The following CDK18 variants were observed in gnomAD, a reference collection of about 807,000 sequenced individuals.
CDK18 encodes the protein cyclin-dependent kinase 18.
In CDK18, 52 loss-of-function variants were observed where a neutral mutation model predicts 62.0. The observed-to-expected ratio is 0.84, with a 90% confidence interval of 0.67 to 1.06. CDK18 has a LOEUF of 1.06. Among genes scored for constraint, CDK18 ranks in the 50% least tolerant of loss-of-function variants. The probability of loss-of-function intolerance (pLI) is 0.00; values close to 1 mark genes in which losing one functional copy is unlikely to be tolerated. For missense variants in CDK18, 604 were observed against 619.9 expected, an observed-to-expected ratio of 0.97 and a Z score of 0.27; for synonymous variants, 237 against 247.0, an observed-to-expected ratio of 0.96 and a Z score of 0.38.
rs1486314673 is a variant in CDK18 at position 205,516,555 on chromosome 1, A to G, written c.-21-6592A>G. Among the ~76,000 whole-genome samples, 1 of 152,200 alleles carries G rather than the reference A, an allele frequency of 6.6e-6. No individual in the cohort carries two copies. The highest frequency in any genetic ancestry group is 2.4e-5 in the African/African-American group (1 of 41,454). ...GCCTGGAACACAGCAGGTGCTCCAC[A>G]TGTGCCTGTAAAGCAGACACATGCC... On this transcript the variant is annotated intron_variant, in intron 1 of 15. Transcript: ENST00000429964. This position sits in a 1 kb window ranked among gnomAD's most constrained non-coding sequence, Gnocchi z 4.8.
chr1:205,519,336 A>T lies in CDK18; in HGVS notation c.-21-3811A>T, dbSNP rs537655971. ...CCCAGTCTGCCCTGTCACACCCAAG[A>T]CCCTGCTGGGTTCAATGCCCTGGTT... On this transcript the variant is annotated intron_variant, in intron 1 of 15. Transcript: ENST00000429964. 1.1e-3 allele frequency among the ~76,000 whole-genome samples: 153 copies of T among 142,830 alleles called. 1 individual carries two copies. The highest frequency in any genetic ancestry group is 4.0e-3 in the African/African-American group (153 of 38,472). The allele number at this position is 142,830 out of a possible 152,430, so 93.7% of individuals were successfully genotyped here.
chr1:205,505,217 A>T (rs1439686043), intron 1 of CDK18, among the ~76,000 whole-genome samples: 1 of 150,106 alleles, frequency 6.7e-6, no homozygotes, highest in African/African-American at 2.4e-5. Flanking sequence ...CATTCTGGGA[A>T]GGGCAAGGGT....
chr1:205,505,015 G>T (rs1020628597), intron 1 of CDK18: 2 of 152,384 alleles, frequency 1.3e-5, no homozygotes, highest in African/African-American at 4.8e-5. Flanking sequence ...GTGTTGAGGG[G>T]TGGGGGGTGC....
chr1:205,513,468 A>G (rs1667665870), intron 1 of CDK18, among the ~76,000 whole-genome samples: 1 of 152,254 alleles, frequency 6.6e-6, no homozygotes. Context: ...TGGGCCCCCA[A>G]AAAAGGTCAA....
rs776051977 is a variant in CDK18 at position 205,531,385 on chromosome 1, C to T, written c.*7C>T. The T allele has an allele frequency of 3.1e-6, 5 of 1,613,464 alleles. No individual in the cohort carries two copies. Among genetic ancestry groups the T allele is most frequent in the Non-Finnish European group, 4.2e-6 (5 of 1,179,346 alleles). On this transcript the variant is annotated 3_prime_UTR_variant, in exon 16 of 16. Transcript: ENST00000429964. ...GCGGCAGAGCATCTTCTGAGCCACG[C>T]CCACCTTGCTGTGGCCAAGGGACAA...
chr1:205,505,391 T>A (rs1667256382), intron 1 of CDK18, among the ~76,000 whole-genome samples: 1 of 152,032 alleles, frequency 6.6e-6, no homozygotes, highest in African/African-American at 2.4e-5. Flanking sequence ...AGGTCCCAGT[T>A]CTGGGGGAGG....
rs1668439029 is a variant in CDK18 at position 205,526,518 on chromosome 1, G to A, written c.666+57G>A. ...CCTCTTGTGGTGGAAACGGGGTGTG[G>A]GTAGGGGAGTGGGAAGCTGAGGGAG... On this transcript the variant is annotated intron_variant, in intron 7 of 15. Transcript: ENST00000429964. 4.3e-6 allele frequency: 6 copies of A among 1,393,404 alleles called. No homozygotes were observed. The East Asian group carries it at 1.1e-4, about 26-fold the overall frequency. 86.3% of individuals were successfully genotyped at this position (1,393,404 alleles called of 1,614,324 possible).
intron 1 of CDK18, among the ~76,000 whole-genome samples, chr1:205,509,425 C>T (rs918296641): frequency 6.6e-6 from 1 of 152,150 alleles, no homozygotes; most frequent in African/African-American, 2.4e-5. Flanking sequence ...GTGTATGTCT[C>T]CTGTCCACCA....
intron 15 of CDK18, among the ~76,000 whole-genome samples, chr1:205,531,087 A>AC (rs1173951354): frequency 1.3e-5 from 2 of 152,150 alleles, no homozygotes; most frequent in Admixed American, 6.5e-5. Flanking sequence ...TCCTTAAAAT[A>AC]CCCCTTGAAG....
At chr1:205,529,941 G>C in intron 13 of CDK18, 3 of 1,380,232 alleles carry the variant, frequency 2.2e-6, no homozygotes, top group Non-Finnish European at 2.8e-6. Context: ...GGTTGTTATC[G>C]GCACTACGCT....
Position 205,527,766 on chromosome 1 carries a change from C to T in CDK18, c.730-28C>T, listed in dbSNP as rs202247167. ...AGCAGAGGCTCAGGGCCACCTTCCA[C>T]CCCACATTTCTCTTCCCCCTCCCCC... On this transcript the variant is annotated intron_variant, in intron 8 of 15. Transcript: ENST00000429964. This position sits in a 1 kb window ranked among gnomAD's most constrained non-coding sequence, Gnocchi z 4.1. The T allele has an allele frequency of 1.1e-5, 17 of 1,611,602 alleles. No individual in the cohort carries two copies. The South Asian group carries it at 1.5e-4, about 15-fold the overall frequency.
At chr1:205,530,823 G>A in intron 15 of CDK18, 118 bp downstream of exon 15, 1 of 795,160 alleles carries the variant, frequency 1.3e-6, no homozygotes, top group East Asian at 2.7e-5. Flanking sequence ...TGGACTCTTT[G>A]GGGAGCAGAG....
chr1:205,513,626 G>C (rs1667674487), intron 1 of CDK18, among the ~76,000 whole-genome samples: 1 of 152,162 alleles, frequency 6.6e-6, no homozygotes, highest in Non-Finnish European at 1.5e-5. Flanking sequence ...AGGGTCATCT[G>C]TAGGGGTCAA....
intron 1 of CDK18, among the ~76,000 whole-genome samples, chr1:205,508,911 G>A (rs1558766064): frequency 6.6e-6 from 1 of 152,000 alleles, no homozygotes; most frequent in Non-Finnish European, 1.5e-5. Context: ...CACTTTGGAA[G>A]GCCAAGGCGG....
Position 205,523,514 on chromosome 1 carries a change from C to A in CDK18, c.162C>A (p.Pro54=). ...AGCTCGGTCCTCTTGGCAGAGACCC[C>A]CCGCAGGAGTGCAGCACCTTCTCCC... The part of the protein sequence containing the change: ...NLQLGPLGRD[P]PQECSTFSPT... Residue 54 remains proline (P), a synonymous_variant, in exon 3 of 16, where the codon CCC becomes CCA. Coordinates refer to ENST00000429964, the MANE Select transcript of CDK18 (RefSeq NM_212502.3). 1 of 1,605,532 alleles carries A rather than the reference C, an allele frequency of 6.2e-7. No homozygotes were observed. Among genetic ancestry groups the A allele is most frequent in the East Asian group, 2.2e-5 (1 of 44,578 alleles).
chr1:205,526,543 G>C, intron 7 of CDK18, 82 bp downstream of exon 7: 1 of 1,134,920 alleles, frequency 8.8e-7, no homozygotes, highest in South Asian at 1.2e-5. Flanking sequence ...AGCTGAGGGA[G>C]TGGGAGTAGT....
intron 5 of CDK18, among the ~76,000 whole-genome samples, chr1:205,525,779 C>T (rs1359722747): frequency 6.6e-6 from 1 of 152,200 alleles, no homozygotes; most frequent in Non-Finnish European, 1.5e-5. Context: ...AAGAGGTGAC[C>T]TCTGTGTAAA....
rs1343057048 is a variant in CDK18, at chr1:205,517,921, C to G, written c.-21-5226C>G. On this transcript the variant is annotated intron_variant, in intron 1 of 15. Transcript: ENST00000429964. This position sits in a 1 kb window ranked among gnomAD's most constrained non-coding sequence, Gnocchi z 4.1. Reference sequence around the variant, plus strand: ...CACTCATCCGTTCAAACCCTCCTTACCCCTCGAGGCCCAACACAGCTGCTC... The same window carrying G: ...CACTCATCCGTTCAAACCCTCCTTAGCCCTCGAGGCCCAACACAGCTGCTC... 6.6e-6 allele frequency among the ~76,000 whole-genome samples: 1 copy of G among 152,170 alleles called. No homozygotes were observed. Among genetic ancestry groups the G allele is most frequent in the Admixed American group, 6.5e-5 (1 of 15,284 alleles).
intron 5 of CDK18, 147 bp downstream of exon 5, chr1:205,525,342 G>T (rs1198812351): frequency 5.8e-6 from 3 of 518,174 alleles, no homozygotes; most frequent in Admixed American, 3.2e-5. Context: ...AGTCTTGGCT[G>T]TGCGCTCTGG....
Sources: allele counts gnomAD v4.1 joint callset (sites outside exome capture counted in the v4.1 genomes callset), GRCh38; gene constraint gnomAD v4.1.1; non-coding constraint Gnocchi (gnomAD v3.1); transcripts MANE v1.5; gene names NCBI Gene and HGNC (gene_info 2026-07-23, HGNC 2026-07-21).